Variants in CARS2 observed in about 807,000 individuals in gnomAD.
CARS2 encodes cysteinyl-tRNA synthetase 2, mitochondrial, also known as probable cysteine--tRNA ligase, mitochondrial.
Under a neutral mutation model 68.8 loss-of-function variants are expected in CARS2, and 52 were observed. That is an observed-to-expected ratio of 0.76 (90% confidence interval 0.61 to 0.95). The LOEUF (loss-of-function observed/expected upper bound fraction) is 0.95, where lower values mean the gene tolerates loss of function less well. Among genes scored for constraint, CARS2 ranks in the 40% least tolerant of loss-of-function variants. The probability of loss-of-function intolerance (pLI) is 0.00; values close to 1 mark genes in which losing one functional copy is unlikely to be tolerated. For missense variants in CARS2, 780 were observed against 754.2 expected (o/e 1.03, Z -0.40); for synonymous variants, 314 against 303.6 (o/e 1.03, Z -0.36).
At chr13:110,675,241 A>G (rs897311276) in intron 7 of CARS2, among the ~76,000 whole-genome samples, 3 of 152,264 alleles carry the variant, frequency 2.0e-5, no homozygotes, top group African/African-American at 7.2e-5. Context: ...TCATGCTGCT[A>G]TAAAGACACA....
At chr13:110,706,688 A>G (rs985981815), upstream of CARS2, among the ~76,000 whole-genome samples, 1 of 149,836 alleles carries the variant, frequency 6.7e-6, no homozygotes, top group Non-Finnish European at 1.5e-5. Flanking sequence ...AACACAGTGC[A>G]CCCCGATACA....
At chr13:110,656,075 G>T (rs1242439514) in intron 9 of CARS2, among the ~76,000 whole-genome samples, 6 of 152,218 alleles carry the variant, frequency 3.9e-5, no homozygotes, top group Admixed American at 3.9e-4. Context: ...GGAGGCCGAG[G>T]CAGGTGGACC....
In CARS2 at chr13:110,644,500, C is replaced by T. The variant is rs182585150; in HGVS notation, c.1318-17G>A. ...TTCAGGTTCCTGTAAGAGATCATGTCGCAGAAGCTCCTTAAAAGCAGTCTT... is the reference window on the plus strand; with the variant it reads ...TTCAGGTTCCTGTAAGAGATCATGTTGCAGAAGCTCCTTAAAAGCAGTCTT... On this transcript the variant is annotated splice_polypyrimidine_tract_variant and intron_variant, in intron 12 of 14. Coordinates refer to ENST00000257347, the MANE Select transcript of CARS2 (RefSeq NM_024537.4). 15 of 1,613,604 alleles carry T rather than the reference C, an allele frequency of 9.3e-6. No homozygotes were observed. Among genetic ancestry groups the T allele is most frequent in the Middle Eastern group, 1.7e-4 (1 of 6,060 alleles).
chr13:110,692,021 TATAC>T (rs1298952984), intron 3 of CARS2, among the ~76,000 whole-genome samples: 34 of 65,274 alleles, frequency 5.2e-4, no homozygotes, highest in African/African-American at 1.5e-3. Flanking sequence ...TATATATATA[TATAC>T]ACACACACAC....
At chr13:110,654,065 A>C (rs1165876056) in intron 9 of CARS2, among the ~76,000 whole-genome samples, 4 of 152,188 alleles carry the variant, frequency 2.6e-5, no homozygotes, top group Admixed American at 2.0e-4. Context: ...GGATGGTAAC[A>C]AGCCATGTGA....
chr13:110,672,078 A>G (rs1020663757), intron 7 of CARS2, among the ~76,000 whole-genome samples: 4 of 152,204 alleles, frequency 2.6e-5, no homozygotes, highest in Admixed American at 2.6e-4. Context: ...GTCCTTAGAG[A>G]CCTACAAAGA....
At chr13:110,656,415 G>A (rs1594259016) in intron 9 of CARS2, among the ~76,000 whole-genome samples, 1 of 152,350 alleles carries the variant, frequency 6.6e-6, no homozygotes, top group East Asian at 1.9e-4. Context: ...CATGCCGCGA[G>A]TGTATGTTCA....
intron 2 of CARS2, 46 bp from the exon 3 acceptor site, chr13:110,701,601 C>T (rs1456944871): frequency 2.3e-6 from 2 of 867,986 alleles, no homozygotes; most frequent in Admixed American, 3.4e-5. Flanking sequence ...ACAAAGTCAT[C>T]AGTTATCTTT....
intron 13 of CARS2, chr13:110,642,785 G>C (rs1327416743): frequency 1.1e-5 from 8 of 714,372 alleles, no homozygotes; most frequent in South Asian, 1.0e-4. Flanking sequence ...GAAAGGGCTG[G>C]GGGCTGCATG....
In CARS2 at chr13:110,669,014, G is replaced by A. The variant is rs866866485; in HGVS notation, c.786-1541C>T. ...GCTATTAAGTATTGATAAACACATA[G>A]AAGTAAAGTGTGACTGGTGACTGGA... On this transcript the variant is annotated intron_variant, in intron 7 of 14. Coordinates refer to ENST00000257347, the MANE Select transcript of CARS2 (RefSeq NM_024537.4). Among the ~76,000 whole-genome samples, 86 of 152,274 alleles carry A rather than the reference G, an allele frequency of 5.6e-4. No homozygotes were observed. In the Middle Eastern group the frequency reaches 0.01, roughly 18 times the overall value.
chr13:110,651,153 T>C, intron 9 of CARS2, 53 bp from the exon 10 acceptor site: 1 of 1,221,114 alleles, frequency 8.2e-7, no homozygotes, highest in Non-Finnish European at 1.2e-6. Context: ...CGCTTCGCAC[T>C]GTTCAGAGAA....
intron 1 of CARS2, chr13:110,712,976 G>A: frequency 6.4e-7 from 1 of 1,558,152 alleles, no homozygotes; most frequent in African/African-American, 1.4e-5. Context: ...GCCGCGGAAT[G>A]GGTAGGTCTC....
At chr13:110,686,832 A>G (rs2063316102) in intron 5 of CARS2, among the ~76,000 whole-genome samples, 1 of 151,964 alleles carries the variant, frequency 6.6e-6, no homozygotes, top group African/African-American at 2.4e-5. Context: ...TACTGGGATT[A>G]CAGGCATCAG....
Position 110,701,569 on chromosome 13 carries a change from A to T in CARS2, c.276-14T>A, listed in dbSNP as rs1257634394. Reference sequence around the variant, plus strand: ...CTAACATATGAGCTGAAAGAAAAAAAGTGTCAGGATGTCTTTATTACACAA... The same window carrying T: ...CTAACATATGAGCTGAAAGAAAAAATGTGTCAGGATGTCTTTATTACACAA... On this transcript the variant is annotated splice_polypyrimidine_tract_variant and intron_variant, in intron 2 of 14. Coordinates refer to ENST00000257347, the MANE Select transcript of CARS2 (RefSeq NM_024537.4). 3.4e-6 allele frequency: 4 copies of T among 1,164,370 alleles called. No homozygotes were observed. The highest frequency in any genetic ancestry group is 5.2e-6 in the Non-Finnish European group (4 of 770,666). 72.1% of individuals were successfully genotyped at this position (1,164,370 alleles called of 1,614,324 possible).
At position 110,641,619 on chromosome 13, in the gene CARS2, A is replaced by G; in HGVS notation, c.1624-11T>C. On this transcript the variant is annotated splice_polypyrimidine_tract_variant and intron_variant, in intron 14 of 14. Coordinates refer to ENST00000257347, the MANE Select transcript of CARS2 (RefSeq NM_024537.4). ...TGTACTGCTTCTGTCCTGGAGAAGAAGAGTGAGGTCCAACTCTGAGCAGAC... is the reference window on the plus strand; with the variant it reads ...TGTACTGCTTCTGTCCTGGAGAAGAGGAGTGAGGTCCAACTCTGAGCAGAC... 6.2e-7 allele frequency: 1 copy of G among 1,611,150 alleles called. No homozygotes were observed. Among genetic ancestry groups the G allele is most frequent in the Admixed American group, 1.7e-5 (1 of 60,030 alleles).
At chr13:110,708,527 C>A (rs2064001806), upstream of CARS2, among the ~76,000 whole-genome samples, 1 of 151,952 alleles carries the variant, frequency 6.6e-6, no homozygotes, top group Admixed American at 6.6e-5. Context: ...TCAGAAAATT[C>A]ATGTAATGTT....
chr13:110,712,793 C>T (rs1391901418), intron 1 of CARS2: 2 of 738,542 alleles, frequency 2.7e-6, no homozygotes, highest in Non-Finnish European at 2.4e-6. Context: ...AGGGAAGGCG[C>T]CCCTCGGGCC....
At position 110,670,320 on chromosome 13, in the gene CARS2, T is replaced by TGACA. The variant is rs1005788490; in HGVS notation, c.786-2851_786-2848dup. The stretch of plus-strand genomic sequence containing the variant: ...GAGACACCTCCCAGTAGGGGCTGAC[T>TGACA]GACACCTCATACAGCCAGGTGCCCT... On this transcript the variant is annotated intron_variant, in intron 7 of 14. Transcript: ENST00000257347. The surrounding 1 kb of genome is among the most constrained non-coding windows in gnomAD (Gnocchi z 4.1). 6.6e-6 allele frequency among the ~76,000 whole-genome samples: 1 copy of TGACA among 152,208 alleles called. No individual in the cohort carries two copies. The highest frequency in any genetic ancestry group is 2.4e-5 in the African/African-American group (1 of 41,450).
At chr13:110,692,742 G>A (rs1458898713) in intron 3 of CARS2, among the ~76,000 whole-genome samples, 1 of 151,952 alleles carries the variant, frequency 6.6e-6, no homozygotes, top group Non-Finnish European at 1.5e-5. Context: ...TTAAGCCTGG[G>A]AGATGGAGGC....
Sources: gnomAD v4.1 joint callset for allele counts (sites outside exome capture counted in the v4.1 genomes callset) on GRCh38, gnomAD v4.1.1 for gene constraint, Gnocchi (gnomAD v3.1) non-coding constraint, MANE v1.5 for transcripts, NCBI Gene and HGNC (gene_info 2026-07-23, HGNC 2026-07-21) for gene names.